The following KIAA0232 variants were observed in gnomAD, a reference collection of about 807,000 sequenced individuals.
KIAA0232 encodes KIAA0232.
In KIAA0232, 27 loss-of-function variants were observed where a neutral mutation model predicts 122.0. The observed-to-expected ratio is 0.22, with a 90% CI of 0.16 to 0.31. The LOEUF (loss-of-function observed/expected upper bound fraction) is 0.31, where lower values mean the gene tolerates loss of function less well. Among genes scored for constraint, KIAA0232 ranks in the 10% least tolerant of loss-of-function variants. The pLI, the probability that KIAA0232 is intolerant of heterozygous loss-of-function variation, is 1.00. For synonymous variants in KIAA0232, 613 were observed against 587.6 expected (o/e 1.04, Z -0.63); for missense variants, 1,551 against 1,634.2 (o/e 0.95, Z 0.88).
intron 2 of KIAA0232, among the ~76,000 whole-genome samples, chr4:6,813,464 G>A (rs1445771132): frequency 1.3e-5 from 2 of 151,684 alleles, no homozygotes; most frequent in Non-Finnish European, 2.9e-5. Context: ...CCAGGTTCAC[G>A]CCATTCTACT....
chr4:6,876,636 C>T (rs1721772267), intron 8 of KIAA0232, 24 bp from the exon 9 acceptor site: 1 of 1,450,628 alleles, frequency 6.9e-7, no homozygotes, highest in East Asian at 2.3e-5. Flanking sequence ...CCCTCTTTTC[C>T]CTTCTCCATT....
intron 1 of KIAA0232, among the ~76,000 whole-genome samples, chr4:6,791,253 G>A (rs551335869): frequency 1.5e-5 from 2 of 134,688 alleles, no homozygotes; most frequent in South Asian, 5.2e-4. Context: ...AATTAAACTT[G>A]TTAAAGTATG....
At chr4:6,868,381 G>A (rs1369482099) in intron 7 of KIAA0232, among the ~76,000 whole-genome samples, 1 of 152,212 alleles carries the variant, frequency 6.6e-6, no homozygotes, top group African/African-American at 2.4e-5. Flanking sequence ...CCACCTTGGG[G>A]AGCTGACAAT....
chr4:6,867,862 G>A (rs1477650216), intron 7 of KIAA0232, among the ~76,000 whole-genome samples: 1 of 152,204 alleles, frequency 6.6e-6, no homozygotes, highest in African/African-American at 2.4e-5. Flanking sequence ...ATCCCAGTGT[G>A]GGGGACAGGC....
At chr4:6,808,441 A>G (rs1324956767) in intron 2 of KIAA0232, among the ~76,000 whole-genome samples, 1 of 148,790 alleles carries the variant, frequency 6.7e-6, no homozygotes, top group Non-Finnish European at 1.5e-5. Context: ...AGTTAAAAAT[A>G]TAGAGAGTTC....
chr4:6,862,233 C>T lies in KIAA0232; in HGVS notation c.1851C>T (p.Ile617=). ...GGDSPVRLSP[I]LDSTVLNSHL... ...ACTCTCCAGTTAGACTCTCTCCCAT[C>T]TTAGACAGCACAGTGCTCAATTCAC... is the stretch of plus-strand genomic sequence containing the variant. The change falls in exon 7 of 10, where the codon ATC becomes ATT. Residue 617 remains isoleucine, a synonymous_variant. Transcript: ENST00000307659. 6.2e-7 allele frequency: 1 copy of T among 1,614,138 alleles called. No homozygotes were observed. The highest frequency in any genetic ancestry group is 1.7e-5 in the Admixed American group (1 of 60,028).
At chr4:6,880,690 A>G in intron 9 of KIAA0232, 97 bp from the exon 10 acceptor site, 2 of 828,242 alleles carry the variant, frequency 2.4e-6, no homozygotes, top group Non-Finnish European at 3.4e-6. Context: ...GAAAACACTG[A>G]TGATTTATTA....
intron 2 of KIAA0232, among the ~76,000 whole-genome samples, chr4:6,818,545 G>A (rs1240500959): frequency 6.6e-6 from 1 of 151,840 alleles, no homozygotes; most frequent in Non-Finnish European, 1.5e-5. Flanking sequence ...AAAGATCTCT[G>A]CAAGAAGGAC....
intron 1 of KIAA0232, among the ~76,000 whole-genome samples, chr4:6,794,206 A>G (rs1162259812): frequency 3.3e-5 from 5 of 152,208 alleles, no homozygotes; most frequent in Admixed American, 6.5e-5. Context: ...GTTCTGAGAA[A>G]GTCTTGACCA....
chr4:6,839,899 C>T (rs1284140854), intron 3 of KIAA0232, among the ~76,000 whole-genome samples: 1 of 152,084 alleles, frequency 6.6e-6, no homozygotes, highest in Admixed American at 6.5e-5. Flanking sequence ...TGAAATTATG[C>T]TTGTTTGATT....
chr4:6,868,265 C>G (rs1721290050), intron 7 of KIAA0232, among the ~76,000 whole-genome samples: 1 of 152,220 alleles, frequency 6.6e-6, no homozygotes, highest in Non-Finnish European at 1.5e-5. Flanking sequence ...CTTCTTTTCA[C>G]TGTTTCATTC....
intron 1 of KIAA0232, among the ~76,000 whole-genome samples, chr4:6,800,980 A>G (rs1248762164): frequency 6.6e-6 from 1 of 152,198 alleles, no homozygotes; most frequent in African/African-American, 2.4e-5. Context: ...ACAAATATAA[A>G]TATAGACAGA....
chr4:6,825,039 A>G (rs1339765206), intron 3 of KIAA0232, among the ~76,000 whole-genome samples: 1 of 152,218 alleles, frequency 6.6e-6, no homozygotes, highest in Non-Finnish European at 1.5e-5. Context: ...CACATTATGA[A>G]TAGATATTTA....
intron 7 of KIAA0232, among the ~76,000 whole-genome samples, chr4:6,864,600 G>T (rs181467732): frequency 1.3e-5 from 2 of 151,956 alleles, no homozygotes; most frequent in Non-Finnish European, 2.9e-5. Flanking sequence ...TTACCCAGGC[G>T]TGGTGGCAGG....
chr4:6,840,133 G>C (rs1178174806), intron 3 of KIAA0232, among the ~76,000 whole-genome samples: 1 of 152,136 alleles, frequency 6.6e-6, no homozygotes, highest in Non-Finnish European at 1.5e-5. Context: ...TGTCATTCAG[G>C]CTTCTGCTCT....
rs966755355 is a variant in KIAA0232 at position 6,860,994 on chromosome 4, T to C, written c.612T>C (p.Ser204=). 3.7e-6 allele frequency: 6 copies of C among 1,614,108 alleles called. No individual in the cohort carries two copies. The highest frequency in any genetic ancestry group is 5.1e-6 in the Non-Finnish European group (6 of 1,180,052). ...ACAAGTCTAAAGTCTGTTCTTACTC[T>C]AGCTCTTCTTCATCATCCACAGCCC... ...VWNKSKVCSY[S]SSSSSSTAPP... The change falls in exon 7 of 10, where the codon TCT becomes TCC. Residue 204 remains serine, a synonymous_variant. Coordinates refer to ENST00000307659, the MANE Select transcript of KIAA0232 (RefSeq NM_014743.3).
intron 9 of KIAA0232, among the ~76,000 whole-genome samples, 154 bp from the exon 10 acceptor site, chr4:6,880,633 G>A (rs187925733): frequency 5.9e-5 from 9 of 152,284 alleles, no homozygotes; most frequent in Middle Eastern, 3.4e-3. Context: ...GAAGAGAGGC[G>A]GTTTTGCTCT....
chr4:6,789,358 C>T (rs1256223886), intron 1 of KIAA0232, among the ~76,000 whole-genome samples: 1 of 151,238 alleles, frequency 6.6e-6, no homozygotes, highest in African/African-American at 2.4e-5. Context: ...ACTGCAACCT[C>T]TGTCTCGTGG....
At chr4:6,817,206 A>G (rs149196610) in intron 2 of KIAA0232, among the ~76,000 whole-genome samples, 9 of 152,146 alleles carry the variant, frequency 5.9e-5, no homozygotes, top group African/African-American at 2.2e-4. Context: ...CTTTTGTGGC[A>G]TCCTAAAAAT....
Sources: gnomAD v4.1 joint callset for allele counts (sites outside exome capture counted in the v4.1 genomes callset) on GRCh38, gnomAD v4.1.1 for gene constraint, MANE v1.5 for transcripts, NCBI Gene and HGNC (gene_info 2026-07-23, HGNC 2026-07-21) for gene names.